The following CCZ1B variants were observed in gnomAD, a reference collection of about 807,000 sequenced individuals.
The protein encoded by CCZ1B is CCZ1B vacuolar protein trafficking and biogenesis associated.
In CCZ1B, 25 loss-of-function variants were observed where a neutral mutation model predicts 58.8. That is an observed-to-expected ratio of 0.43 (90% CI 0.31 to 0.59). The LOEUF (loss-of-function observed/expected upper bound fraction) is 0.59, where lower values mean the gene tolerates loss of function less well. Ranked by LOEUF, CCZ1B falls within the 20% of genes least tolerant of loss-of-function variation. The pLI is 0.12. For synonymous variants in CCZ1B, 66 were observed against 173.2 expected (o/e 0.38, Z 4.86); for missense variants, 180 against 501.5 (o/e 0.36, Z 6.12).
In CCZ1B at chr7:6,813,905, G is replaced by A. The variant is rs183950351; in HGVS notation, c.780+859C>T. Among the ~76,000 whole-genome samples the A allele has an allele frequency of 2.1e-3, 315 of 149,280 alleles. 31 individuals carry two copies. Among genetic ancestry groups the A allele is most frequent in the African/African-American group, 7.7e-3 (306 of 39,524 alleles). ...TCACGCCTGTAATCCCAGCACTTTG[G>A]GAAGCTGACGCAGGTCAATCACCTG... On this transcript the variant is annotated intron_variant, in intron 8 of 14. Coordinates refer to ENST00000316731, the MANE Select transcript of CCZ1B (RefSeq NM_198097.5).
At chr7:6,822,798 T>A (rs189445391) in intron 5 of CCZ1B, among the ~76,000 whole-genome samples, 1 of 137,904 alleles carries the variant, frequency 7.3e-6, no homozygotes, top group Admixed American at 7.7e-5. Context: ...ACCTCCAAGG[T>A]GCGAGCGATC....
intron 6 of CCZ1B, 31 bp from the exon 7 acceptor site, chr7:6,819,972 C>T (rs376072888): frequency 6.3e-7 from 1 of 1,593,304 alleles, no homozygotes; most frequent in South Asian, 1.1e-5. Flanking sequence ...ATAAAATTTA[C>T]TAATAGTACA....
chr7:6,826,264 C>T lies in CCZ1B; in HGVS notation c.-67G>A, dbSNP rs188986987. 2.1e-3 allele frequency: 1,823 copies of T among 850,146 alleles called. No individual in the cohort carries two copies. The highest frequency in any genetic ancestry group is 2.7e-3 in the Non-Finnish European group (1,585 of 576,458). The allele number at this position is 850,146 out of a possible 1,614,324, so 52.7% of individuals were successfully genotyped here. A position where few individuals can be genotyped will look rare whatever the true frequency, so the allele number is the denominator to read the frequency against. On this transcript the variant is annotated 5_prime_UTR_variant, in exon 1 of 15. Transcript: ENST00000316731. ...CAGAGACAGCAGCCACCGGCTAAAA[C>T]ACCGCACTTCCGCCTCCGTCGCCAC...
At chr7:6,812,677 C>A (rs568710935) in intron 9 of CCZ1B, among the ~76,000 whole-genome samples, 1 of 152,082 alleles carries the variant, frequency 6.6e-6, no homozygotes, top group Admixed American at 6.5e-5. Context: ...AATCCCAGCA[C>A]TTTGGGAGGC....
Position 6,812,162 on chromosome 7 carries a change from T to C in CCZ1B, c.843-99A>G, listed in dbSNP as rs564745667. 47 of 1,182,708 alleles carry C rather than the reference T, an allele frequency of 4.0e-5. 1 individual carries two copies. The East Asian group carries it at 1.1e-3, about 28-fold the overall frequency. 73.3% of individuals were successfully genotyped at this position (1,182,708 alleles called of 1,614,324 possible). ...TCCCACTTCATACACACCAGTTGCT[T>C]TTGATGCCAGCTGCTATTTGGCAAA... On this transcript the variant is annotated intron_variant, in intron 9 of 14. Transcript: ENST00000316731.
chr7:6,800,637 C>G (rs1337799513), intron 14 of CCZ1B, among the ~76,000 whole-genome samples: 2 of 137,682 alleles, frequency 1.5e-5, no homozygotes, highest in Non-Finnish European at 3.1e-5. Flanking sequence ...CCACTGCACT[C>G]CAGCCTGTGT....
At position 6,814,422 on chromosome 7, in the gene CCZ1B, G is replaced by A. The variant is rs1228371474; in HGVS notation, c.780+342C>T. ...GTGGTGGCGGGCGCCTGTAATCCCA[G>A]GTACTAGGGAGGCCGAGGCAAGGAG... On this transcript the variant is annotated intron_variant, in intron 8 of 14. Coordinates refer to ENST00000316731, the MANE Select transcript of CCZ1B (RefSeq NM_198097.5). 1.3e-5 allele frequency among the ~76,000 whole-genome samples: 2 copies of A among 149,564 alleles called. 1 individual carries two copies. Among genetic ancestry groups the A allele is most frequent in the Non-Finnish European group, 3.0e-5 (2 of 67,712 alleles).
chr7:6,822,053 G>T (rs4724855), intron 6 of CCZ1B, among the ~76,000 whole-genome samples: 73,084 of 145,424 alleles, frequency 0.5, 19,257 homozygotes, highest in South Asian at 0.79. Flanking sequence ...TAAGAGCCCC[G>T]GGCAAACGCA....
intron 8 of CCZ1B, among the ~76,000 whole-genome samples, chr7:6,814,319 A>G (rs1782963861): frequency 6.8e-6 from 1 of 147,522 alleles, no homozygotes; most frequent in Non-Finnish European, 1.5e-5. Flanking sequence ...GGCAGATCAC[A>G]AGGTCAGGAG....
intron 12 of CCZ1B, among the ~76,000 whole-genome samples, chr7:6,801,840 C>A (rs972345896): frequency 2.8e-5 from 3 of 108,142 alleles, no homozygotes; most frequent in Admixed American, 1.1e-4. Context: ...TCCCAAAGTG[C>A]AGGGATTACA....
chr7:6,813,601 G>C (rs546266917), intron 8 of CCZ1B, among the ~76,000 whole-genome samples: 2 of 149,400 alleles, frequency 1.3e-5, no homozygotes, highest in East Asian at 1.9e-4. Context: ...AACAAGCGAA[G>C]AGAGTGAGTT....
chr7:6,816,591 T>C (rs1400890824), intron 7 of CCZ1B, among the ~76,000 whole-genome samples: 1 of 150,972 alleles, frequency 6.6e-6, no homozygotes, highest in Non-Finnish European at 1.5e-5. Context: ...CAGAGCCTCA[T>C]TATATTGTCC....
rs187502948 is a variant in CCZ1B, at chr7:6,808,226, C to T, written c.955-2189G>A. ...AACCCCCAATCAGATCTCTGGATCT[C>T]GAGGCTCAGGTGAGCTTCCCTGGAT... On this transcript the variant is annotated intron_variant, in intron 10 of 14. Transcript: ENST00000316731. 1.0e-4 allele frequency among the ~76,000 whole-genome samples: 13 copies of T among 126,962 alleles called. 1 individual carries two copies. The highest frequency in any genetic ancestry group is 7.9e-4 in the East Asian group (3 of 3,778). The allele number at this position is 126,962 out of a possible 152,430, so 83.3% of individuals were successfully genotyped here.
In CCZ1B at chr7:6,820,660, G is replaced by A. The variant is rs1292541454; in HGVS notation, c.523-719C>T. Reference sequence around the variant, plus strand: ...TTCCTGGCCAGGCACAGCGGCTCGCGCCTGTAATCCCAGCCCTTTGGGAGG... The same window carrying A: ...TTCCTGGCCAGGCACAGCGGCTCGCACCTGTAATCCCAGCCCTTTGGGAGG... On this transcript the variant is annotated intron_variant, in intron 6 of 14. Coordinates refer to ENST00000316731, the MANE Select transcript of CCZ1B (RefSeq NM_198097.5). Among the ~76,000 whole-genome samples the A allele has an allele frequency of 2.2e-4, 32 of 148,728 alleles. 1 individual carries two copies. Among genetic ancestry groups the A allele is most frequent in the East Asian group, 7.9e-4 (4 of 5,090 alleles).
At chr7:6,825,779 G>A (rs1281923649) in intron 1 of CCZ1B, among the ~76,000 whole-genome samples, 1 of 120,262 alleles carries the variant, frequency 8.3e-6, no homozygotes, top group East Asian at 2.3e-4. Flanking sequence ...TCTAGTTGGG[G>A]ACTACCCACT....
Position 6,812,991 on chromosome 7 carries a change from A to G in CCZ1B, c.827T>C (p.Leu276Pro). 12 of 1,583,962 alleles carry G rather than the reference A, an allele frequency of 7.6e-6. No individual in the cohort carries two copies. The highest frequency in any genetic ancestry group is 9.5e-6 in the Non-Finnish European group (11 of 1,161,726). The change falls in exon 9 of 15, where the codon CTT becomes CCT. Residue 276 changes from leucine to proline, a missense_variant. Coordinates refer to ENST00000316731, the MANE Select transcript of CCZ1B (RefSeq NM_198097.5). The part of the protein sequence containing the change: ...SPIRAEMPGN[L>P]QHYGRFLTGP... ...GAAGTCCTACCTTCCATAGTGTTGA[A>G]GATTTCCTGGCATTTCTGCTCTTAT... is the stretch of plus-strand genomic sequence containing the variant.
rs1442380525 is a variant in CCZ1B, at chr7:6,817,642, T to C, written c.698+2124A>G. Reference sequence around the variant, plus strand: ...ACAGCAGAATTTCACTTTAGTAACATTGTGTACATATCACAGAAAGCAACT... The same window carrying C: ...ACAGCAGAATTTCACTTTAGTAACACTGTGTACATATCACAGAAAGCAACT... On this transcript the variant is annotated intron_variant, in intron 7 of 14. Transcript: ENST00000316731. Among the ~76,000 whole-genome samples, 15 of 149,944 alleles carry C rather than the reference T, an allele frequency of 1.0e-4. 2 individuals are homozygous for C. The highest frequency in any genetic ancestry group is 3.4e-3 in the Middle Eastern group (1 of 292).
At chr7:6,825,195 G>C (rs1234440173) in intron 1 of CCZ1B, among the ~76,000 whole-genome samples, 1 of 148,546 alleles carries the variant, frequency 6.7e-6, no homozygotes, top group Non-Finnish European at 1.5e-5. Flanking sequence ...ATAGCTCCCT[G>C]AAAATTAAAT....
chr7:6,812,793 G>A (rs1458066722), intron 9 of CCZ1B, among the ~76,000 whole-genome samples, 183 bp downstream of exon 9: 1 of 148,918 alleles, frequency 6.7e-6, no homozygotes, highest in Non-Finnish European at 1.5e-5. Context: ...AGGCATAGTG[G>A]CTCATGCCTG....
Sources: gnomAD v4.1 joint callset for allele counts (sites outside exome capture counted in the v4.1 genomes callset) on GRCh38, gnomAD v4.1.1 for gene constraint, MANE v1.5 for transcripts, NCBI Gene and HGNC (gene_info 2026-07-23, HGNC 2026-07-21) for gene names.